Variants in C1orf21 observed in about 807,000 individuals in gnomAD.
The protein encoded by C1orf21 is uncharacterized protein C1orf21.
A neutral mutation model predicts 18.7 loss-of-function variants in C1orf21; 3 were observed. That is an observed-to-expected ratio of 0.16 (90% CI 0.07 to 0.42). C1orf21 has a LOEUF of 0.42. C1orf21 is among the 10% of genes least tolerant of loss of function. The pLI is 0.99. For synonymous variants in C1orf21, 41 were observed against 46.4 expected (o/e 0.88, Z 0.47); for missense variants, 104 against 143.6 (o/e 0.72, Z 1.41).
chr1:184,407,929 A>G (rs994524304), intron 1 of C1orf21, among the ~76,000 whole-genome samples: 2 of 152,246 alleles, frequency 1.3e-5, no homozygotes, highest in Non-Finnish European at 2.9e-5. Context: ...TGGTTTCTGC[A>G]CAGCATGGCC....
intron 1 of C1orf21, among the ~76,000 whole-genome samples, chr1:184,441,971 T>C (rs931936879): frequency 6.6e-6 from 1 of 152,174 alleles, no homozygotes; most frequent in African/African-American, 2.4e-5. Flanking sequence ...TTCCATTTAG[T>C]TATGTTGTAG....
At chr1:184,506,690 T>C (rs1658066408) in intron 2 of C1orf21, among the ~76,000 whole-genome samples, 1 of 152,206 alleles carries the variant, frequency 6.6e-6, no homozygotes, top group Non-Finnish European at 1.5e-5. Context: ...TATTTTTGAC[T>C]TTAGTGCGCT....
At chr1:184,605,735 C>T (rs1369348772) in intron 5 of C1orf21, among the ~76,000 whole-genome samples, 3 of 152,206 alleles carry the variant, frequency 2.0e-5, no homozygotes, top group African/African-American at 7.2e-5. Context: ...TCAGTTTTCT[C>T]ACCAATAAAA....
intron 1 of C1orf21, among the ~76,000 whole-genome samples, chr1:184,443,317 A>G (rs1448989895): frequency 6.6e-6 from 1 of 152,168 alleles, no homozygotes; most frequent in East Asian, 1.9e-4. Flanking sequence ...GCTGTTTGGA[A>G]CTGGGCATAC....
chr1:184,402,616 C>CA (rs57016276), intron 1 of C1orf21, among the ~76,000 whole-genome samples: 31,517 of 118,220 alleles, frequency 0.27, 8,170 homozygotes, highest in African/African-American at 0.67. Context: ...GACCCTGTCT[C>CA]AAAAAAAAAA....
chr1:184,562,471 G>T (rs1194486772), intron 3 of C1orf21, among the ~76,000 whole-genome samples: 1 of 152,136 alleles, frequency 6.6e-6, no homozygotes, highest in East Asian at 1.9e-4. Context: ...AGTTCCTTTT[G>T]CCTGGCACAG....
intron 4 of C1orf21, among the ~76,000 whole-genome samples, chr1:184,591,955 C>T (rs1052795295): frequency 3.3e-5 from 5 of 151,978 alleles, no homozygotes; most frequent in Admixed American, 1.3e-4. Flanking sequence ...GAGTAAGCAG[C>T]GATACATGCC....
chr1:184,455,936 G>T (rs193118012), intron 1 of C1orf21, among the ~76,000 whole-genome samples: 43 of 152,304 alleles, frequency 2.8e-4, no homozygotes, highest in African/African-American at 1.0e-3. Context: ...TTTGAGCCCT[G>T]AGAGGAATGT....
chr1:184,549,575 C>T (rs571979287), intron 3 of C1orf21, among the ~76,000 whole-genome samples: 1 of 151,602 alleles, frequency 6.6e-6, no homozygotes, highest in East Asian at 1.9e-4. Context: ...ATTCCTTACT[C>T]ATACTTTTCC....
chr1:184,615,087 A>C (rs539049474), intron 5 of C1orf21, among the ~76,000 whole-genome samples: 1 of 152,358 alleles, frequency 6.6e-6, no homozygotes, highest in African/African-American at 2.4e-5. Flanking sequence ...AGCAGGATTT[A>C]AAATTAGGAT....
intron 1 of C1orf21, among the ~76,000 whole-genome samples, chr1:184,443,887 T>TA (rs779852345): frequency 6.6e-6 from 1 of 151,836 alleles, no homozygotes; most frequent in East Asian, 1.9e-4. Flanking sequence ...GGGGAGGAGG[T>TA]AAGAAGGCCC....
intron 3 of C1orf21, among the ~76,000 whole-genome samples, chr1:184,577,709 T>C (rs929522310): frequency 1.4e-4 from 22 of 152,168 alleles, no homozygotes; most frequent in African/African-American, 5.1e-4. Flanking sequence ...GAAAAAAAAC[T>C]GGCAAGGTTT....
At chr1:184,566,742 G>T in intron 3 of C1orf21, 1 of 393,978 alleles carries the variant, frequency 2.5e-6, no homozygotes, top group South Asian at 2.3e-5. Context: ...ACTACCAGAT[G>T]ATTCCTGGCA....
chr1:184,570,482 GC>G (rs1441872815), intron 3 of C1orf21, among the ~76,000 whole-genome samples: 1 of 152,078 alleles, frequency 6.6e-6, no homozygotes, highest in East Asian at 1.9e-4. Flanking sequence ...CTCAGGCAGG[GC>G]AAACAACTCT....
chr1:184,518,323 CA>C (rs1308756798), intron 3 of C1orf21, among the ~76,000 whole-genome samples: 2 of 152,104 alleles, frequency 1.3e-5, no homozygotes, highest in Non-Finnish European at 2.9e-5. Flanking sequence ...GCTTTGTAAA[CA>C]AAAAGCCCAA....
At chr1:184,436,280 G>A (rs1656856119) in intron 1 of C1orf21, among the ~76,000 whole-genome samples, 1 of 152,148 alleles carries the variant, frequency 6.6e-6, no homozygotes, top group African/African-American at 2.4e-5. Context: ...CGATGGAGTA[G>A]TTCTTATTTT....
chr1:184,498,781 A>G (rs1315861365), intron 2 of C1orf21, among the ~76,000 whole-genome samples: 1 of 152,212 alleles, frequency 6.6e-6, no homozygotes, highest in Non-Finnish European at 1.5e-5. Context: ...AGGTTTTGTA[A>G]TGGATATCAG....
At chr1:184,483,791 T>A (rs564696564) in intron 2 of C1orf21, among the ~76,000 whole-genome samples, 1 of 152,244 alleles carries the variant, frequency 6.6e-6, no homozygotes, top group East Asian at 1.9e-4. Flanking sequence ...TACTCCTCTG[T>A]TGGTATTAAA....
intron 1 of C1orf21, chr1:184,412,330 T>A (rs1023954046): frequency 4.2e-4 from 64 of 152,362 alleles, no homozygotes; most frequent in African/African-American, 1.5e-3. Context: ...CCTGTTTCCA[T>A]GCTTGGGAAT....
Sources: gnomAD v4.1 joint callset for allele counts (sites outside exome capture counted in the v4.1 genomes callset) on GRCh38, gnomAD v4.1.1 for gene constraint, MANE v1.5 for transcripts, NCBI Gene and HGNC (gene_info 2026-07-23, HGNC 2026-07-21) for gene names.